Variants in COL4A5 observed in about 807,000 individuals in gnomAD.
COL4A5 encodes collagen alpha-5(IV) chain.
COL4A5 carries 26 observed loss-of-function variants against 130.2 expected under a neutral mutation model. The ratio of observed to expected loss-of-function variants is 0.20; its 90% CI spans 0.15 to 0.28. COL4A5 has a LOEUF of 0.28. COL4A5 is among the 10% of genes least tolerant of loss of function. COL4A5 has a pLI of 1.00. For synonymous variants in COL4A5, 496 were observed against 439.6 expected (o/e 1.13, Z -1.60); for missense variants, 1,131 against 1,344.3 (o/e 0.84, Z 2.48).
In COL4A5 at chrX:108,625,745, T is replaced by A; in HGVS notation, c.3057T>A (p.Leu1019=). The change falls in exon 35 of 53, where the codon CTT becomes CTA. Residue 1019 remains leucine, a synonymous_variant. Coordinates refer to ENST00000328300, the MANE Select transcript of COL4A5 (RefSeq NM_033380.3). The part of the protein sequence containing the change: ...GNPGLPGQPG[L]IGPPGLKGTI... Reference sequence around the variant, plus strand: ...CTGGTCTCCCTGGACAGCCAGGTCTTATAGGACCTCCTGGACTTAAAGGAA... The same window carrying A: ...CTGGTCTCCCTGGACAGCCAGGTCTAATAGGACCTCCTGGACTTAAAGGAA... The A allele has an allele frequency of 5.0e-6, 6 of 1,208,987 alleles. No individual in the cohort carries two copies. Among genetic ancestry groups the A allele is most frequent in the Non-Finnish European group, 6.7e-6 (6 of 892,943 alleles).
At chrX:108,610,834 C>T (rs1484987883) in intron 29 of COL4A5, among the ~76,000 whole-genome samples, 1 of 111,414 alleles carries the variant, frequency 9.0e-6, no homozygotes, top group African/African-American at 3.3e-5. Flanking sequence ...CATGTAACTC[C>T]TTCATTCTTC....
At chrX:108,551,985 T>C (rs1476857960) in intron 2 of COL4A5, among the ~76,000 whole-genome samples, 2 of 112,071 alleles carry the variant, frequency 1.8e-5, no homozygotes, top group East Asian at 5.6e-4. Flanking sequence ...ATGTTCTCAC[T>C]AATAAGTGGG....
At chrX:108,626,424 G>A (rs566652182) in intron 36 of COL4A5, 75 bp downstream of exon 36, 90 of 1,184,531 alleles carry the variant, frequency 7.6e-5, no homozygotes, top group Admixed American at 1.1e-4. Context: ...TCATTCCTAA[G>A]TTTTCATTAA....
chrX:108,629,079 T>A (rs1037567590), intron 36 of COL4A5, among the ~76,000 whole-genome samples: 6 of 111,889 alleles, frequency 5.4e-5, no homozygotes, highest in African/African-American at 1.9e-4. Flanking sequence ...CACACTGCAG[T>A]AAGAGAGTAA....
chrX:108,473,633 A>ATACATATATATATATATATTTT, intron 1 of COL4A5, among the ~76,000 whole-genome samples: 3 of 34,567 alleles, frequency 8.7e-5, no homozygotes, highest in Non-Finnish European at 1.8e-4. Context: ...ATATATATAT[A>ATACATATATATATATATATTTT]TTTTTTTTTT....
intron 42 of COL4A5, among the ~76,000 whole-genome samples, chrX:108,671,568 G>A (rs948516116): frequency 1.4e-4 from 16 of 111,594 alleles, no homozygotes; most frequent in Admixed American, 3.8e-4. Flanking sequence ...TGCAGTAGGA[G>A]AGAGACTGAG....
chrX:108,450,216 A>G (rs1300584029), intron 1 of COL4A5, among the ~76,000 whole-genome samples: 1 of 112,250 alleles, frequency 8.9e-6, no homozygotes, highest in East Asian at 2.8e-4. Flanking sequence ...CACTTGTGCA[A>G]TTGTTTGAGT....
In COL4A5 at chrX:108,697,284, C is replaced by T. The variant is rs1164575572; in HGVS notation, c.*906C>T. ...CAATTCTGAGAAACAAAAACACACA[C>T]GCAGAATTAACAATTCTTTTCCCTG... On this transcript the variant is annotated 3_prime_UTR_variant, in exon 53 of 53. Transcript: ENST00000328300. 1 of 110,667 alleles carries T rather than the reference C, an allele frequency of 9.0e-6. No homozygotes were observed. The highest frequency in any genetic ancestry group is 9.8e-5 in the Admixed American group (1 of 10,246). 9.1% of individuals were successfully genotyped at this position (110,667 alleles called of 1,213,427 possible).
chrX:108,570,244 A>C (rs1373833983), intron 6 of COL4A5, among the ~76,000 whole-genome samples: 1 of 111,859 alleles, frequency 8.9e-6, no homozygotes, highest in Non-Finnish European at 1.9e-5. Flanking sequence ...AAGTGATAAG[A>C]CCAATGTGGA....
chrX:108,459,123 G>A (rs2064616858), intron 1 of COL4A5, among the ~76,000 whole-genome samples: 1 of 111,264 alleles, frequency 9.0e-6, no homozygotes, highest in Non-Finnish European at 1.9e-5. Flanking sequence ...TCTTTCAATT[G>A]TTTGTTGTTG....
intron 36 of COL4A5, among the ~76,000 whole-genome samples, chrX:108,633,286 C>A (rs1011056173): frequency 6.3e-5 from 7 of 111,049 alleles, no homozygotes; most frequent in African/African-American, 2.0e-4. Context: ...CTTATGAAGA[C>A]TTCTATATCC....
At chrX:108,689,409 T>G (rs1193848777) in intron 49 of COL4A5, 1 of 751,671 alleles carries the variant, frequency 1.3e-6, no homozygotes, top group East Asian at 1.5e-4. Flanking sequence ...TTCAAAAATG[T>G]AATGCAGTTA....
chrX:108,563,865 A>C lies in COL4A5; in HGVS notation c.232-17A>C, dbSNP rs111438962. On this transcript the variant is annotated splice_polypyrimidine_tract_variant and intron_variant, in intron 3 of 52. Transcript: ENST00000328300. ...CTTTTTTGACGGACAAAAACCTAAA[A>C]ATATTGCATTTTTCAGGGTGATGAT... is the stretch of plus-strand genomic sequence containing the variant. The C allele has an allele frequency of 1.9e-3, 2,253 of 1,201,930 alleles. 11 individuals carry two copies. In the East Asian group the frequency reaches 0.024, roughly 13 times the overall value.
intron 2 of COL4A5, among the ~76,000 whole-genome samples, chrX:108,546,405 A>T (rs752214080): frequency 4.8e-4 from 54 of 111,890 alleles, no homozygotes; most frequent in Non-Finnish European, 8.6e-4. Context: ...TGGGTTGAAA[A>T]TTCTTTTCTT....
At chrX:108,683,360 G>C (rs1361218079) in intron 47 of COL4A5, among the ~76,000 whole-genome samples, 2 of 111,564 alleles carry the variant, frequency 1.8e-5, no homozygotes, top group East Asian at 5.6e-4. Flanking sequence ...GCTTATGATT[G>C]TCTTGTTTAT....
chrX:108,578,676 A>G (rs781645073), intron 13 of COL4A5, among the ~76,000 whole-genome samples: 2 of 105,359 alleles, frequency 1.9e-5, no homozygotes, highest in South Asian at 4.0e-4. Context: ...ATTTGAGATT[A>G]TTAATTTTTT....
intron 1 of COL4A5, among the ~76,000 whole-genome samples, chrX:108,534,277 C>A (rs2065426479): frequency 9.0e-6 from 1 of 111,617 alleles, no homozygotes; most frequent in South Asian, 3.7e-4. Flanking sequence ...CAAAGAAATA[C>A]CTACACTTGC....
At position 108,440,894 on chromosome X, in the gene COL4A5, C is replaced by CT. The variant is rs974751846; in HGVS notation, c.81+696dup. Among the ~76,000 whole-genome samples the CT allele has an allele frequency of 2.7e-5, 3 of 111,009 alleles. No homozygotes were observed. In the Admixed American group the frequency reaches 2.9e-4, roughly 11 times the overall value. On this transcript the variant is annotated intron_variant, in intron 1 of 52. Coordinates refer to ENST00000328300, the MANE Select transcript of COL4A5 (RefSeq NM_033380.3). Reference sequence around the variant, plus strand: ...AATTATGGGTTTTTTTGTTTGTTTACTTTTTTTTAAACCTACCAAGGCATC... The same window carrying CT: ...AATTATGGGTTTTTTTGTTTGTTTACTTTTTTTTTAAACCTACCAAGGCATC...
intron 2 of COL4A5, among the ~76,000 whole-genome samples, chrX:108,543,587 G>A (rs2065587977): frequency 9.0e-6 from 1 of 111,350 alleles, no homozygotes; most frequent in South Asian, 3.8e-4. Flanking sequence ...ACTTGGCGAT[G>A]CAGGCTCTTT....
Sources: gnomAD v4.1 joint callset for allele counts (sites outside exome capture counted in the v4.1 genomes callset) on GRCh38, gnomAD v4.1.1 for gene constraint, MANE v1.5 for transcripts, NCBI Gene and HGNC (gene_info 2026-07-23, HGNC 2026-07-21) for gene names.